Variants in NRG1 observed in about 807,000 individuals in gnomAD.
NRG1 encodes the protein pro-neuregulin-1, membrane-bound isoform.
Under a neutral mutation model 63.8 loss-of-function variants are expected in NRG1, and 18 were observed. That is an observed-to-expected ratio of 0.28 (90% CI 0.19 to 0.42). NRG1 has a LOEUF of 0.42. NRG1 is among the 10% of genes least tolerant of loss of function. The pLI is 1.00. For synonymous variants in NRG1, 302 were observed against 301.3 expected (o/e 1.00, Z -0.02); for missense variants, 762 against 814.7 (o/e 0.94, Z 0.79).
At chr8:31,928,376 A>G (rs1373220457) in intron 1 of NRG1, among the ~76,000 whole-genome samples, 1 of 145,304 alleles carries the variant, frequency 6.9e-6, no homozygotes, top group Non-Finnish European at 1.5e-5. Context: ...AAAAAAAAAA[A>G]AGATGTTTAT....
At chr8:31,691,604 A>G (rs1809529561) in intron 1 of NRG1, among the ~76,000 whole-genome samples, 1 of 150,362 alleles carries the variant, frequency 6.7e-6, no homozygotes, top group African/African-American at 2.4e-5. Context: ...CAAAAAAAAA[A>G]AAAAAAAAAA....
intron 1 of NRG1, among the ~76,000 whole-genome samples, chr8:32,532,380 A>C (rs1262046423): frequency 6.6e-6 from 1 of 152,194 alleles, no homozygotes; most frequent in Non-Finnish European, 1.5e-5. Flanking sequence ...CTTGCAGTTA[A>C]GGTGCTGTTA....
At chr8:32,560,766 C>T (rs142650603) in intron 1 of NRG1, among the ~76,000 whole-genome samples, 1 of 152,244 alleles carries the variant, frequency 6.6e-6, no homozygotes, top group East Asian at 1.9e-4. Context: ...TTCTTGCTAC[C>T]ATTAAAATAT....
chr8:31,708,053 T>A lies in NRG1; in HGVS notation c.37+68622T>A, dbSNP rs1463243353. On this transcript the variant is annotated intron_variant, in intron 1 of 10. Coordinates refer to the NRG1 transcript ENST00000519301. The stretch of plus-strand genomic sequence containing the variant: ...GGTTTTTGGTCTCGGTTGGCTGTAT[T>A]TTATTACGTTAATGAAGTATCCATC... 4.6e-5 allele frequency among the ~76,000 whole-genome samples: 7 copies of A among 152,174 alleles called. No individual in the cohort carries two copies. In the East Asian group the frequency reaches 1.3e-3, roughly 29 times the overall value.
chr8:32,027,450 TTCCTTCCTTCCTTCCTTCCCTCCC>T lies in NRG1; in HGVS notation c.37+388023_37+388046del, dbSNP rs1817585700. Among the ~76,000 whole-genome samples, 7 of 121,642 alleles carry T rather than the reference TTCCTTCCTTCCTTCCTTCCCTCCC, an allele frequency of 5.8e-5. No individual in the cohort carries two copies. The South Asian group carries it at 1.9e-3, about 33-fold the overall frequency. The allele number at this position is 121,642 out of a possible 152,430, so 79.8% of individuals were successfully genotyped here. On this transcript the variant is annotated intron_variant, in intron 1 of 10. Transcript: ENST00000519301. ...CTTCCTTCCTTCCTTCCTTCCTTCC[TTCCTTCCTTCCTTCCTTCCCTCCC>T]TCCCTCCCTCCCTAATCTAGGAGGA...
At chr8:32,281,184 C>CTTT (rs35582021) in intron 1 of NRG1, among the ~76,000 whole-genome samples, 4 of 94,334 alleles carry the variant, frequency 4.2e-5, no homozygotes, top group East Asian at 3.9e-4. Context: ...GTAGTTTTTC[C>CTTT]TTTTTTTTTT....
intron 11 of NRG1, 46 bp from the exon 12 acceptor site, chr8:32,763,702 C>T: frequency 6.7e-7 from 1 of 1,500,334 alleles, no homozygotes; most frequent in Non-Finnish European, 8.9e-7. Context: ...CTGCTATGTG[C>T]CTCTTATTGC....
At chr8:32,760,442 A>G (rs1051513377) in intron 11 of NRG1, 36 bp downstream of exon 11, 1 of 1,610,670 alleles carries the variant, frequency 6.2e-7, no homozygotes, top group Non-Finnish European at 8.5e-7. Context: ...CAGAGGAGAA[A>G]CTCAGTCAGA....
intron 1 of NRG1, among the ~76,000 whole-genome samples, chr8:32,034,578 T>C (rs972672721): frequency 1.3e-5 from 2 of 152,212 alleles, no homozygotes; most frequent in Admixed American, 1.3e-4. Flanking sequence ...AGTCTATTCC[T>C]GGGCATTATT....
At chr8:32,417,649 C>G (rs1816107191) in intron 1 of NRG1, among the ~76,000 whole-genome samples, 2 of 140,792 alleles carry the variant, frequency 1.4e-5, no homozygotes, top group South Asian at 4.3e-4. Flanking sequence ...GAGTCATTAT[C>G]TTTTCAAACT....
intron 1 of NRG1, among the ~76,000 whole-genome samples, chr8:32,511,367 G>GTATATATATATATATA (rs202038797): frequency 3.0e-4 from 37 of 122,062 alleles, no homozygotes; most frequent in African/African-American, 5.3e-4. Context: ...ATATATATGT[G>GTATATATATATATATA]TATATATATA....
At chr8:31,985,003 A>G (rs2129631411) in intron 1 of NRG1, among the ~76,000 whole-genome samples, 1 of 152,238 alleles carries the variant, frequency 6.6e-6, no homozygotes, top group South Asian at 2.1e-4. Flanking sequence ...TACCCATTTG[A>G]GACTGCAAGA....
chr8:32,477,010 C>A (rs1824603081), intron 1 of NRG1, among the ~76,000 whole-genome samples: 1 of 152,040 alleles, frequency 6.6e-6, no homozygotes, highest in Non-Finnish European at 1.5e-5. Context: ...AAATGGAAGA[C>A]AATGTATGTA....
intron 1 of NRG1, among the ~76,000 whole-genome samples, chr8:31,683,978 G>A (rs901438838): frequency 6.6e-6 from 1 of 152,126 alleles, no homozygotes; most frequent in Non-Finnish European, 1.5e-5. Flanking sequence ...TTTTCATAGA[G>A]CATATAAATA....
intron 1 of NRG1, among the ~76,000 whole-genome samples, chr8:32,009,753 CT>C (rs1814428850): frequency 6.6e-6 from 1 of 151,910 alleles, no homozygotes. Context: ...ATGTCTAATT[CT>C]TTTTCAGCTG....
intron 1 of NRG1, among the ~76,000 whole-genome samples, chr8:32,127,362 G>T (rs897591527): frequency 2.0e-5 from 3 of 151,782 alleles, no homozygotes; most frequent in African/African-American, 7.3e-5. Flanking sequence ...ACGTGGTCTT[G>T]CAAAAGACCT....
chr8:32,575,281 C>T (rs564540806), intron 1 of NRG1, among the ~76,000 whole-genome samples: 1 of 152,178 alleles, frequency 6.6e-6, no homozygotes, highest in East Asian at 1.9e-4. Context: ...TGTTTTAGCT[C>T]ACTTCATGTT....
intron 1 of NRG1, among the ~76,000 whole-genome samples, chr8:31,764,502 G>A (rs74785569): frequency 6.6e-6 from 1 of 152,034 alleles, no homozygotes; most frequent in African/African-American, 2.4e-5. Flanking sequence ...TGTATTGAAG[G>A]TAGATAGAGT....
intron 1 of NRG1, among the ~76,000 whole-genome samples, chr8:32,392,169 G>T (rs11985501): frequency 0.75 from 114,297 of 152,110 alleles, 43,857 homozygotes; most frequent in Middle Eastern, 0.84. Context: ...CCTGCACTAT[G>T]ATTAGATGCC....
Sources: allele counts gnomAD v4.1 joint callset (sites outside exome capture counted in the v4.1 genomes callset), GRCh38; gene constraint gnomAD v4.1.1; transcripts MANE v1.5; gene names NCBI Gene and HGNC (gene_info 2026-07-23, HGNC 2026-07-21).